PPCS: variants seen among roughly 807,000 people sequenced by gnomAD.
PPCS encodes the protein phosphopantothenate--cysteine ligase.
PPCS carries 17 observed loss-of-function variants against 24.6 expected under a neutral mutation model. The observed-to-expected ratio is 0.69, with a 90% CI of 0.47 to 1.04. PPCS has a LOEUF of 1.04. Among genes scored for constraint, PPCS ranks in the 50% least tolerant of loss-of-function variants. The pLI, the probability that PPCS is intolerant of heterozygous loss-of-function variation, is 0.00. For synonymous variants in PPCS, 190 were observed against 168.3 expected, an observed-to-expected ratio of 1.13 and a Z score of -1.00; for missense variants, 360 against 402.8, an observed-to-expected ratio of 0.89 and a Z score of 0.91.
In PPCS at chr1:42,457,301, T is replaced by C. The variant is rs1433885621; in HGVS notation, c.563T>C (p.Val188Ala). 4 of 1,614,104 alleles carry C rather than the reference T, an allele frequency of 2.5e-6. No individual in the cohort carries two copies. Among genetic ancestry groups the C allele is most frequent in the Admixed American group, 1.7e-5 (1 of 60,008 alleles). The change falls in exon 2 of 3, where the codon GTC (valine) becomes GCC (alanine). Residue 188 changes from valine to alanine, a missense_variant. Val to Ala is a moderately conservative substitution (Grantham distance 64). This residue lies in a region of PPCS where 116 missense variants were observed against 168.1 expected (regional missense o/e 0.69). Coordinates refer to ENST00000372561, the MANE Select transcript of PPCS (RefSeq NM_024664.4). ...AAAVSDFYVP[V>A]SEMPEHKIQS... ...GCTGTGTCAGATTTCTATGTTCCTG[T>C]CTCTGAAATGCCTGAACACAAGATC...
At chr1:42,465,710 CT>C (rs1488171242), downstream of PPCS, among the ~76,000 whole-genome samples, 7 of 152,152 alleles carry the variant, frequency 4.6e-5, no homozygotes, top group African/African-American at 1.4e-4. Flanking sequence ...GTTTTGCCCC[CT>C]GTGAGACATT....
At position 42,457,599 on chromosome 1, in the gene PPCS, G is replaced by A. The variant is rs954728897; in HGVS notation, c.612+249G>A. On this transcript the variant is annotated intron_variant, in intron 2 of 2. Transcript: ENST00000372561. ...ACAAAGTGCAGTCAGATCATGGGGC[G>A]AGTGAATCCTGGGGGAGTCGATGAA... is the stretch of plus-strand genomic sequence containing the variant. 9.3e-5 allele frequency: 48 copies of A among 513,738 alleles called. No individual in the cohort carries two copies. The South Asian group carries it at 1.1e-3, about 12-fold the overall frequency. The allele number at this position is 513,738 out of a possible 1,614,324, so 31.8% of individuals were successfully genotyped here.
chr1:42,468,970 G>T (rs1478857690), intron 2 of PPCS, among the ~76,000 whole-genome samples: 7 of 151,968 alleles, frequency 4.6e-5, no homozygotes, highest in Non-Finnish European at 1.0e-4. Flanking sequence ...AGAAGGAAAG[G>T]CTAGAGACAT....
intron 2 of PPCS, chr1:42,473,022 C>T: frequency 1.8e-6 from 2 of 1,099,842 alleles, no homozygotes; most frequent in Middle Eastern, 3.5e-4. Context: ...AAGACTAGTA[C>T]TCTAATAAGG....
At chr1:42,472,209 C>T (rs1261194839) in intron 2 of PPCS, among the ~76,000 whole-genome samples, 1 of 152,082 alleles carries the variant, frequency 6.6e-6, no homozygotes, top group Non-Finnish European at 1.5e-5. Flanking sequence ...GCTGAGATCA[C>T]ACCACTGCAC....
At chr1:42,468,460 T>C (rs887502688) in intron 2 of PPCS, among the ~76,000 whole-genome samples, 1 of 152,250 alleles carries the variant, frequency 6.6e-6, no homozygotes, top group African/African-American at 2.4e-5. Context: ...TAATTCCATT[T>C]ACACCCATTG....
intron 2 of PPCS, chr1:42,473,111 C>T: frequency 8.2e-7 from 1 of 1,226,458 alleles, no homozygotes; most frequent in Non-Finnish European, 1.0e-6. Flanking sequence ...ATGCTTATTT[C>T]TTCTATCAAG....
rs183843033 is a variant in PPCS at position 42,459,398 on chromosome 1, C to T, written c.613-205C>T. 529 of 576,926 alleles carry T rather than the reference C, an allele frequency of 9.2e-4. 3 individuals carry two copies. The East Asian group carries it at 0.011, about 12-fold the overall frequency. 35.7% of individuals were successfully genotyped at this position (576,926 alleles called of 1,614,324 possible). A position where few individuals can be genotyped will look rare whatever the true frequency, so the allele number is the denominator to read the frequency against. On this transcript the variant is annotated intron_variant, in intron 2 of 2. Coordinates refer to ENST00000372561, the MANE Select transcript of PPCS (RefSeq NM_024664.4). ...AGGCTGGTCTTGAACTGGGCTCAAG[C>T]GATCCACCCATCCTGGCCTTCCAAA...
chr1:42,459,337 A>T (rs1340219817), intron 2 of PPCS: 1 of 393,520 alleles, frequency 2.5e-6, no homozygotes, highest in Admixed American at 4.1e-5. Flanking sequence ...TAATTTTTGT[A>T]TTTTTTTGTA....
rs1569630719 is a variant in PPCS at position 42,460,982 on chromosome 1, T to A, written c.*1056T>A. Reference sequence around the variant, plus strand: ...CTTTGAAAAACTTTCAATACTTCTCTTGCTGTCCTACGTTTTGGGTTTGGA... The same window carrying A: ...CTTTGAAAAACTTTCAATACTTCTCATGCTGTCCTACGTTTTGGGTTTGGA... On this transcript the variant is annotated 3_prime_UTR_variant, in exon 3 of 3. Coordinates refer to ENST00000372561, the MANE Select transcript of PPCS (RefSeq NM_024664.4). Among the ~76,000 whole-genome samples the A allele has an allele frequency of 6.6e-6, 1 of 152,258 alleles. No individual in the cohort carries two copies. Among genetic ancestry groups the A allele is most frequent in the African/African-American group, 2.4e-5 (1 of 41,472 alleles).
At chr1:42,473,180 T>G (rs1643824469) in exon 3 of PPCS, 5 of 1,231,064 alleles carry the variant, frequency 4.1e-6, no homozygotes, top group Non-Finnish European at 5.1e-6. Flanking sequence ...ATCAATCCCC[T>G]TGCTACTACA....
intron 2 of PPCS, among the ~76,000 whole-genome samples, chr1:42,469,018 A>T (rs2148437177): frequency 6.6e-6 from 1 of 151,952 alleles, no homozygotes; most frequent in African/African-American, 2.4e-5. Context: ...CACAGAACAG[A>T]ATTAAAAAAA....
downstream of PPCS, among the ~76,000 whole-genome samples, chr1:42,466,005 C>T (rs1204889455): frequency 6.6e-6 from 1 of 152,132 alleles, no homozygotes; most frequent in East Asian, 1.9e-4. Context: ...TACATTGCTA[C>T]AGTGTTTTCA....
At chr1:42,461,550 C>CTTTT (rs34955190), downstream of PPCS, among the ~76,000 whole-genome samples, 1 of 140,592 alleles carries the variant, frequency 7.1e-6, no homozygotes, top group Non-Finnish European at 1.6e-5. Flanking sequence ...TACCCAGGCT[C>CTTTT]TTTTTTTTTT....
At chr1:42,467,858 G>C (rs1643639503) in intron 2 of PPCS, 1 of 152,232 alleles carries the variant, frequency 6.6e-6, no homozygotes, top group Non-Finnish European at 1.5e-5. Context: ...TGAACTAAGA[G>C]ATACAAAGAT....
downstream of PPCS, among the ~76,000 whole-genome samples, chr1:42,465,243 C>T (rs1456504922): frequency 3.3e-5 from 5 of 152,120 alleles, no homozygotes; most frequent in East Asian, 3.9e-4. Context: ...CCTGGGAGAT[C>T]GAGGCTGCAG....
At chr1:42,468,849 C>T (rs1643673582) in intron 2 of PPCS, 2 of 152,034 alleles carry the variant, frequency 1.3e-5, no homozygotes, top group African/African-American at 4.8e-5. Context: ...ACTCCTGTGC[C>T]CAAGCTATTA....
Position 42,466,310 on chromosome 1 carries a change from T to C in PPCS, n.378-6812T>C, listed in dbSNP as rs115408939. ...TAGGGTCCTGGCCCCTGCAATGCAG[T>C]TGGAGAGTACCTACCAGGAGAAAAA... On this transcript the variant is annotated intron_variant and non_coding_transcript_variant, in intron 2 of 2. Transcript: ENST00000471420. 3.0e-3 allele frequency among the ~76,000 whole-genome samples: 457 copies of C among 152,276 alleles called. 7 individuals carry two copies. Among genetic ancestry groups the C allele is most frequent in the African/African-American group, 0.01 (432 of 41,558 alleles).
Sources: gnomAD v4.1 joint callset for allele counts (sites outside exome capture counted in the v4.1 genomes callset) on GRCh38, gnomAD v4.1.1 for gene constraint, gnomAD v4.1.1 regional missense constraint, MANE v1.5 for transcripts, NCBI Gene and HGNC (gene_info 2026-07-23, HGNC 2026-07-21) for gene names.